Variants in AHCYL2 observed in about 807,000 individuals in gnomAD.
AHCYL2 encodes adenosylhomocysteinase like 2, also known as S-adenosylhomocysteine hydrolase-like protein 2.
AHCYL2 carries 28 observed loss-of-function variants against 81.4 expected under a neutral mutation model. That is an observed-to-expected ratio of 0.34 (90% CI 0.25 to 0.47). The LOEUF is 0.47. Among genes scored for constraint, AHCYL2 ranks in the 20% least tolerant of loss-of-function variants. The pLI is 1.00. For synonymous variants in AHCYL2, 272 were observed against 290.2 expected (o/e 0.94, Z 0.64); for missense variants, 551 against 785.1 (o/e 0.70, Z 3.56).
intron 1 of AHCYL2, among the ~76,000 whole-genome samples, chr7:129,247,776 A>G (rs374552108): frequency 1.1e-4 from 16 of 151,346 alleles, no homozygotes; most frequent in East Asian, 9.7e-4. Flanking sequence ...TAATTTTTCT[A>G]TTTTTCGTAG....
At chr7:129,259,258 G>A (rs1795536119) in intron 1 of AHCYL2, among the ~76,000 whole-genome samples, 1 of 152,158 alleles carries the variant, frequency 6.6e-6, no homozygotes, top group African/African-American at 2.4e-5. Context: ...GGCTTATGGT[G>A]GAACAAGTGG....
intron 1 of AHCYL2, among the ~76,000 whole-genome samples, chr7:129,332,399 C>T (rs1798453134): frequency 6.6e-6 from 1 of 152,100 alleles, no homozygotes; most frequent in South Asian, 2.1e-4. Flanking sequence ...ATGTAATTGC[C>T]TCTTGGCACT....
intron 2 of AHCYL2, among the ~76,000 whole-genome samples, chr7:129,386,511 A>G (rs1248211343): frequency 6.6e-6 from 1 of 152,188 alleles, no homozygotes; most frequent in African/African-American, 2.4e-5. Context: ...TGGCTCAAAG[A>G]AAAACATTGG....
intron 1 of AHCYL2, among the ~76,000 whole-genome samples, chr7:129,280,867 C>CT (rs756254951): frequency 0.01 from 1,438 of 138,488 alleles, 24 homozygotes; most frequent in African/African-American, 0.031. Context: ...TACATTGATT[C>CT]TTTTTTTTTT....
chr7:129,225,442 AC>A lies in AHCYL2; in HGVS notation c.363+4del. The A allele has an allele frequency of 6.6e-7, 1 of 1,505,596 alleles. No homozygotes were observed. The highest frequency in any genetic ancestry group is 1.4e-5 in the African/African-American group (1 of 69,832). The allele number at this position is 1,505,596 out of a possible 1,614,324, so 93.3% of individuals were successfully genotyped here. A position where few individuals can be genotyped will look rare whatever the true frequency, so the allele number is the denominator to read the frequency against. ...AGGCGCCGCGCACAGTCAAGAAGGT[AC>A]TGGGGCCGGGCTGCCTCTCTAGGAG... is the stretch of plus-strand genomic sequence containing the variant. On this transcript the variant is annotated splice_donor_region_variant and intron_variant, in intron 1 of 16. Transcript: ENST00000325006.
intron 1 of AHCYL2, among the ~76,000 whole-genome samples, chr7:129,277,378 A>C (rs577739433): frequency 6.6e-6 from 1 of 151,740 alleles, no homozygotes; most frequent in Non-Finnish European, 1.5e-5. Context: ...CCTGGGTTCA[A>C]GCAATTCTCC....
intron 1 of AHCYL2, among the ~76,000 whole-genome samples, chr7:129,293,349 C>A (rs754838644): frequency 9.2e-5 from 14 of 152,022 alleles, no homozygotes; most frequent in Non-Finnish European, 1.5e-4. Context: ...TATATGTATA[C>A]CCCTTCAACT....
At chr7:129,410,228 A>G (rs897625186) in intron 11 of AHCYL2, 7 of 1,613,690 alleles carry the variant, frequency 4.3e-6, no homozygotes, top group African/African-American at 4.0e-5. Context: ...GCTAAGCCCA[A>G]TGGCTCCTTC....
chr7:129,295,870 C>T (rs993664351), intron 1 of AHCYL2, among the ~76,000 whole-genome samples: 4 of 152,094 alleles, frequency 2.6e-5, no homozygotes, highest in Non-Finnish European at 2.9e-5. Context: ...GGGAGTTGTT[C>T]GTATATATGC....
chr7:129,407,110 G>A (rs931519948), intron 10 of AHCYL2, among the ~76,000 whole-genome samples: 1 of 152,160 alleles, frequency 6.6e-6, no homozygotes, highest in African/African-American at 2.4e-5. Context: ...AGCACTTTGG[G>A]AGGCTGAGGC....
intron 11 of AHCYL2, 94 bp downstream of exon 11, chr7:129,409,640 T>A: frequency 9.2e-7 from 1 of 1,090,604 alleles, no homozygotes; most frequent in Non-Finnish European, 1.4e-6. Context: ...AACCAAACTC[T>A]AAAAGCTAGA....
chr7:129,281,363 A>T (rs1283599567), intron 1 of AHCYL2, among the ~76,000 whole-genome samples: 4 of 152,242 alleles, frequency 2.6e-5, no homozygotes, highest in Non-Finnish European at 5.9e-5. Flanking sequence ...TAATGCTGAC[A>T]TCATAAAATG....
At chr7:129,305,209 C>T (rs963395680) in intron 1 of AHCYL2, among the ~76,000 whole-genome samples, 3 of 152,152 alleles carry the variant, frequency 2.0e-5, no homozygotes, top group Non-Finnish European at 4.4e-5. Flanking sequence ...TGCCTGTAAT[C>T]CCAGCACTTT....
At position 129,267,230 on chromosome 7, in the gene AHCYL2, GGTGTGTGTGT is replaced by G. The variant is rs769745702; in HGVS notation, c.363+41822_363+41831del. Among the ~76,000 whole-genome samples, 18 of 59,158 alleles carry G rather than the reference GGTGTGTGTGT, an allele frequency of 3.0e-4. No individual in the cohort carries two copies. The South Asian group carries it at 4.6e-3, about 15-fold the overall frequency. 38.8% of individuals were successfully genotyped at this position (59,158 alleles called of 152,430 possible). On this transcript the variant is annotated intron_variant, in intron 1 of 16. Transcript: ENST00000325006. ...TCCAAGTTATTGAGTTCACTCAAGG[GGTGTGTGTGT>G]GTGTGTGTGTGTGTGTGTGTGTGTG...
chr7:129,424,726 T>C, intron 13 of AHCYL2, 148 bp from the exon 14 acceptor site: 2 of 721,952 alleles, frequency 2.8e-6, no homozygotes, highest in South Asian at 3.3e-5. Flanking sequence ...GTCAGTCAGT[T>C]AGTTCTTATA....
chr7:129,297,883 CATG>C (rs1292410481), intron 1 of AHCYL2, among the ~76,000 whole-genome samples: 4 of 152,164 alleles, frequency 2.6e-5, no homozygotes, highest in African/African-American at 9.6e-5. Context: ...ATTAGCCCGA[CATG>C]GTGGTGGACT....
chr7:129,228,814 T>G (rs1034324254), intron 1 of AHCYL2, among the ~76,000 whole-genome samples: 8 of 152,360 alleles, frequency 5.3e-5, no homozygotes, highest in African/African-American at 1.7e-4. Context: ...GGCAAACATA[T>G]CCACCTTCCA....
chr7:129,343,326 G>A (rs552242836), intron 1 of AHCYL2, among the ~76,000 whole-genome samples: 78 of 152,172 alleles, frequency 5.1e-4, no homozygotes, highest in African/African-American at 1.6e-3. Flanking sequence ...GATGAACTTA[G>A]CATTAATTTT....
At chr7:129,271,253 C>T (rs1041145283) in intron 1 of AHCYL2, among the ~76,000 whole-genome samples, 8 of 149,096 alleles carry the variant, frequency 5.4e-5, no homozygotes, top group Admixed American at 4.8e-4. Flanking sequence ...CCCAGCTATT[C>T]GGGAGGCTAA....
Sources: allele counts gnomAD v4.1 joint callset (sites outside exome capture counted in the v4.1 genomes callset), GRCh38; gene constraint gnomAD v4.1.1; transcripts MANE v1.5; gene names NCBI Gene and HGNC (gene_info 2026-07-23, HGNC 2026-07-21).